Variants in LOXL4 observed in about 807,000 individuals in gnomAD.
LOXL4 encodes lysyl oxidase like 4, also known as lysyl oxidase homolog 4.
A neutral mutation model predicts 89.1 loss-of-function variants in LOXL4; 72 were observed. That is an observed-to-expected ratio of 0.81 (90% confidence interval 0.67 to 0.98). The LOEUF (loss-of-function observed/expected upper bound fraction) is 0.98, where lower values mean the gene tolerates loss of function less well. LOXL4 is among the 50% of genes least tolerant of loss of function. The pLI is 0.00. For synonymous variants in LOXL4, 355 were observed against 392.1 expected (o/e 0.91, Z 1.12); for missense variants, 984 against 1,017.5 (o/e 0.97, Z 0.45).
At position 98,251,641 on chromosome 10, in the gene LOXL4, C is replaced by G. The variant is rs1457420485; in HGVS notation, c.2013G>C (p.Trp671Cys). The change falls in exon 13 of 15, where the codon TGG (tryptophan) becomes TGC (cysteine). Residue 671 changes from tryptophan (W) to cysteine (C), a missense_variant. By Grantham distance (215) the Trp-to-Cys change is radical. Coordinates refer to ENST00000260702, the MANE Select transcript of LOXL4 (RefSeq NM_032211.7). ...AATCAATGTCATGCCGGTAGGTGTCCCAGCAGCCTACAGTCACTCCCTGTT... is the reference window on the plus strand; with the variant it reads ...AATCAATGTCATGCCGGTAGGTGTCGCAGCAGCCTACAGTCACTCCCTGTT... ...FGEQGVTVGC[W>C]DTYRHDIDCQ... 2 of 1,614,238 alleles carry G rather than the reference C, an allele frequency of 1.2e-6. No homozygotes were observed. Among genetic ancestry groups the G allele is most frequent in the South Asian group, 2.2e-5 (2 of 91,084 alleles).
chr10:98,248,794 G>A lies in LOXL4; in HGVS notation c.*127C>T, dbSNP rs978730314. 1.1e-5 allele frequency: 9 copies of A among 789,702 alleles called. No individual in the cohort carries two copies. Among genetic ancestry groups the A allele is most frequent in the Admixed American group, 2.5e-5 (1 of 40,416 alleles). The allele number at this position is 789,702 out of a possible 1,614,324, so 48.9% of individuals were successfully genotyped here. ...TGATCTTGCCATCAAAAGGCTTCCT[G>A]AGCAGGTTCTTGGTGCCCCTTGGCA... is the stretch of plus-strand genomic sequence containing the variant. On this transcript the variant is annotated 3_prime_UTR_variant, in exon 15 of 15. Coordinates refer to ENST00000260702, the MANE Select transcript of LOXL4 (RefSeq NM_032211.7).
intron 12 of LOXL4, 82 bp downstream of exon 12, chr10:98,252,271 G>T: frequency 1.9e-6 from 2 of 1,072,900 alleles, no homozygotes; most frequent in Non-Finnish European, 2.8e-6. Flanking sequence ...GCTGAACAGG[G>T]CAGAGAGAAA....
chr10:98,251,011 T>C, intron 14 of LOXL4, 54 bp downstream of exon 14: 1 of 1,278,632 alleles, frequency 7.8e-7, no homozygotes. Context: ...ACATTTACAG[T>C]GTTCCAGCTC....
At position 98,262,153 on chromosome 10, in the gene LOXL4, C is replaced by A. The variant is rs1326937648; in HGVS notation, c.338G>T (p.Gly113Val). ...VGTESSLDQC[G>V]SNGWGVSDCS... ...GTCACTGACTCCCCAGCCATTAGAC[C>A]CGCACTGGTCCAAGGAGCTCTCTGT... Residue 113 changes from glycine (G) to valine (V), a missense_variant, in exon 3 of 15, where the codon GGG becomes GTG. By Grantham distance (109) the Gly-to-Val change is moderately radical. Coordinates refer to ENST00000260702, the MANE Select transcript of LOXL4 (RefSeq NM_032211.7). 1 of 1,613,592 alleles carries A rather than the reference C, an allele frequency of 6.2e-7. No individual in the cohort carries two copies. The highest frequency in any genetic ancestry group is 1.3e-5 in the African/African-American group (1 of 74,914).
Position 98,257,965 on chromosome 10 carries a change from A to G in LOXL4, c.1105+16T>C. ...ATATCCAGGCCTTCTAACCCCTCCC[A>G]GGCTGTCTCACTCACCTTGGCCCAG... On this transcript the variant is annotated intron_variant, in intron 7 of 14. Transcript: ENST00000260702. 1 of 1,612,942 alleles carries G rather than the reference A, an allele frequency of 6.2e-7. No individual in the cohort carries two copies. Among genetic ancestry groups the G allele is most frequent in the Non-Finnish European group, 8.5e-7 (1 of 1,179,404 alleles).
At chr10:98,255,285 T>C (rs1168932218) in intron 10 of LOXL4, among the ~76,000 whole-genome samples, 1 of 152,258 alleles carries the variant, frequency 6.6e-6, no homozygotes, top group Non-Finnish European at 1.5e-5. Context: ...CTGTTTTCTG[T>C]CCTGTTTCAT....
chr10:98,258,904 G>T (rs1250819024), intron 6 of LOXL4, 105 bp downstream of exon 6: 2 of 791,544 alleles, frequency 2.5e-6, no homozygotes, highest in East Asian at 2.7e-5. Context: ...CTCCCAGTCT[G>T]GTTCCTCTCT....
intron 2 of LOXL4, 28 bp downstream of exon 2, chr10:98,262,715 A>C (rs781347627): frequency 5.0e-6 from 8 of 1,598,140 alleles, no homozygotes; most frequent in Non-Finnish European, 6.8e-6. Context: ...TCTCCTTGCC[A>C]TCCCACTAGG....
rs916574261 is a variant in LOXL4 at position 98,259,245 on chromosome 10, A to G, written c.702-17T>C. 1.2e-6 allele frequency: 2 copies of G among 1,605,296 alleles called. No individual in the cohort carries two copies. The highest frequency in any genetic ancestry group is 3.3e-5 in the Admixed American group (2 of 59,790). Reference sequence around the variant, plus strand: ...CTCTTCAGCCTAGAGGACAAGGGAGACTGAGGGTGGAGGAAGGGCTGAGGG... The same window carrying G: ...CTCTTCAGCCTAGAGGACAAGGGAGGCTGAGGGTGGAGGAAGGGCTGAGGG... On this transcript the variant is annotated splice_polypyrimidine_tract_variant and intron_variant, in intron 5 of 14. Coordinates refer to ENST00000260702, the MANE Select transcript of LOXL4 (RefSeq NM_032211.7).
chr10:98,261,016 C>T lies in LOXL4; in HGVS notation c.568G>A (p.Val190Met). Reference protein sequence around the residue: ...EVKYEGHWRQVCDQGWTMNNS... With the variant: ...EVKYEGHWRQMCDQGWTMNNS... The stretch of plus-strand genomic sequence containing the variant: ...TTCATGGTCCAGCCCTGGTCACACA[C>T]CTGCCGCCAGTGGCCCTCATACTTC... The change falls in exon 4 of 15, where the codon GTG (valine) becomes ATG (methionine). Residue 190 changes from valine to methionine, a missense_variant. Val to Met is a conservative substitution (Grantham distance 21). Coordinates refer to ENST00000260702, the MANE Select transcript of LOXL4 (RefSeq NM_032211.7). The T allele has an allele frequency of 1.2e-6, 2 of 1,614,080 alleles. No homozygotes were observed. Among genetic ancestry groups the T allele is most frequent in the Non-Finnish European group, 1.7e-6 (2 of 1,180,038 alleles).
chr10:98,251,931 G>C lies in LOXL4; in HGVS notation c.1952-229C>G, dbSNP rs527426785. On this transcript the variant is annotated intron_variant, in intron 12 of 14. Coordinates refer to ENST00000260702, the MANE Select transcript of LOXL4 (RefSeq NM_032211.7). Reference sequence around the variant, plus strand: ...GTTGAACTAGGAACTGTGGTTGGGAGATTCCAACGCTCCCGTGCTAATTTA... The same window carrying C: ...GTTGAACTAGGAACTGTGGTTGGGACATTCCAACGCTCCCGTGCTAATTTA... 5.8e-5 allele frequency: 33 copies of C among 564,842 alleles called. No homozygotes were observed. In the East Asian group the frequency reaches 6.9e-4, roughly 12 times the overall value. The allele number at this position is 564,842 out of a possible 1,614,324, so 35.0% of individuals were successfully genotyped here.
intron 6 of LOXL4, 107 bp from the exon 7 acceptor site, chr10:98,258,271 G>A: frequency 8.5e-7 from 1 of 1,177,780 alleles, no homozygotes; most frequent in East Asian, 2.6e-5. Flanking sequence ...CCATGGCGGT[G>A]GCCAGAGCCA....
chr10:98,263,103 A>T, intron 1 of LOXL4, 52 bp from the exon 2 acceptor site: 8 of 1,485,370 alleles, frequency 5.4e-6, no homozygotes, highest in Non-Finnish European at 7.3e-6. Context: ...CAGATCTCAG[A>T]CCTCTGCAGC....
In LOXL4 at chr10:98,260,951, G is replaced by A. The variant is rs138201736; in HGVS notation, c.633C>T (p.Ser211=). Residue 211 remains serine (S), a synonymous_variant, in exon 4 of 15, where the codon AGC becomes AGT. Coordinates refer to ENST00000260702, the MANE Select transcript of LOXL4 (RefSeq NM_032211.7). ...RVVCGMLGFP[S]EVPVDSHYYR... is the part of the protein sequence containing the mutation. Reference sequence around the variant, plus strand: ...AGTAGTGGCTGTCGACAGGCACCTCGCTGGGGAAGCCCAGCATCCCGCACA... The same window carrying A: ...AGTAGTGGCTGTCGACAGGCACCTCACTGGGGAAGCCCAGCATCCCGCACA... 5.1e-5 allele frequency: 82 copies of A among 1,612,976 alleles called. No homozygotes were observed. The highest frequency in any genetic ancestry group is 4.4e-4 in the African/African-American group (33 of 75,034).
chr10:98,261,375 T>C (rs1186224781), intron 3 of LOXL4, among the ~76,000 whole-genome samples: 2 of 152,152 alleles, frequency 1.3e-5, no homozygotes, highest in Non-Finnish European at 2.9e-5. Context: ...ATTTGTCAAA[T>C]TGGAGAGAAC....
chr10:98,259,846 G>A (rs542772102), intron 4 of LOXL4, among the ~76,000 whole-genome samples: 42 of 152,274 alleles, frequency 2.8e-4, no homozygotes, highest in Middle Eastern at 3.4e-3. Flanking sequence ...GCAAGTCAGC[G>A]AGACCCAGGT....
At chr10:98,260,489 G>T (rs1030634762) in intron 4 of LOXL4, among the ~76,000 whole-genome samples, 1 of 151,780 alleles carries the variant, frequency 6.6e-6, no homozygotes, top group Non-Finnish European at 1.5e-5. Context: ...GTGGGGGGGC[G>T]TTCTGTACCT....
At chr10:98,257,040 G>T in intron 8 of LOXL4, 93 bp from the exon 9 acceptor site, 6 of 1,437,952 alleles carry the variant, frequency 4.2e-6, no homozygotes, top group Non-Finnish European at 5.6e-6. Flanking sequence ...CCAGCTCACT[G>T]TGTCACCCTA....
At position 98,251,595 on chromosome 10, in the gene LOXL4, C is replaced by T. The variant is rs1302537968; in HGVS notation, c.2059G>A (p.Asp687Asn). The part of the protein sequence containing the change: ...DIDCQWVDIT[D>N]VGPGNYIFQV... ...AAGATATAATTCCCGGGGCCCACATCTGTGATATCCACCCACTGGCAATCA... is the reference window on the plus strand; with the variant it reads ...AAGATATAATTCCCGGGGCCCACATTTGTGATATCCACCCACTGGCAATCA... Residue 687 changes from aspartate (D) to asparagine (N), a missense_variant, in exon 13 of 15, where the codon GAT becomes AAT. Physicochemically the swap from Asp to Asn is conservative, Grantham distance 23. Transcript: ENST00000260702. The T allele has an allele frequency of 7.4e-6, 12 of 1,614,132 alleles. No individual in the cohort carries two copies. Among genetic ancestry groups the T allele is most frequent in the Non-Finnish European group, 1.0e-5 (12 of 1,180,064 alleles).
Sources: gnomAD v4.1 joint callset for allele counts (sites outside exome capture counted in the v4.1 genomes callset) on GRCh38, gnomAD v4.1.1 for gene constraint, MANE v1.5 for transcripts, NCBI Gene and HGNC (gene_info 2026-07-23, HGNC 2026-07-21) for gene names.